The following CUBN variants were observed in gnomAD, a reference collection of about 807,000 sequenced individuals.
CUBN encodes the protein cubilin.
CUBN carries 282 observed loss-of-function variants against 405.3 expected under a neutral mutation model. The ratio of observed to expected loss-of-function variants is 0.70; its 90% CI spans 0.63 to 0.77. The LOEUF (loss-of-function observed/expected upper bound fraction) is 0.77. Ranked by LOEUF, CUBN falls within the 30% of genes least tolerant of loss-of-function variation. CUBN has a pLI of 0.00. For synonymous variants in CUBN, 1,684 were observed against 1,617.0 expected (o/e 1.04, Z -0.99); for missense variants, 4,514 against 4,475.2 (o/e 1.01, Z -0.25).
At chr10:17,126,609 A>T in intron 4 of CUBN, 152 bp downstream of exon 4, 1 of 816,802 alleles carries the variant, frequency 1.2e-6, no homozygotes, top group Non-Finnish European at 2.0e-6. Flanking sequence ...GCATCCTGGG[A>T]AGCACATGCT....
Position 16,940,071 on chromosome 10 carries a change from A to T in CUBN, c.5509T>A (p.Ser1837Thr). 1 of 1,614,112 alleles carries T rather than the reference A, an allele frequency of 6.2e-7. No individual in the cohort carries two copies. The highest frequency in any genetic ancestry group is 1.1e-5 in the South Asian group (1 of 91,078). ...TLWVRFISDG[S>T]GSGTGFQATF... ...GCCTGGAAGCCCGTGCCGCTGCCAG[A>T]ACCATCTGAGATAAATCTGACCCAC... The change falls in exon 37 of 67, where the codon TCT becomes ACT. Residue 1837 changes from serine to threonine, a missense_variant. Physicochemically the swap from Ser to Thr is moderately conservative, Grantham distance 58. Transcript: ENST00000377833.
At chr10:16,966,161 G>A (rs75763602) in intron 31 of CUBN, among the ~76,000 whole-genome samples, 1 of 152,276 alleles carries the variant, frequency 6.6e-6, no homozygotes, top group Non-Finnish European at 1.5e-5. Context: ...AGTAGCATTT[G>A]AGAAAGTCTT....
At chr10:17,098,258 C>T (rs1836419338) in intron 14 of CUBN, among the ~76,000 whole-genome samples, 1 of 152,118 alleles carries the variant, frequency 6.6e-6, no homozygotes, top group Admixed American at 6.6e-5. Context: ...CAGCTGACAC[C>T]CGCTTATAAC....
chr10:17,007,581 G>T (rs1450080892), intron 28 of CUBN, among the ~76,000 whole-genome samples: 1 of 152,114 alleles, frequency 6.6e-6, no homozygotes, highest in Non-Finnish European at 1.5e-5. Flanking sequence ...CTCTCTGCTT[G>T]GTGTTTGGAG....
intron 60 of CUBN, among the ~76,000 whole-genome samples, chr10:16,848,303 T>C (rs545699134): frequency 6.6e-6 from 1 of 152,304 alleles, no homozygotes; most frequent in East Asian, 1.9e-4. Context: ...AAAATTGTAA[T>C]TTTATATGCA....
At chr10:17,028,734 A>T (rs1410585247) in intron 27 of CUBN, among the ~76,000 whole-genome samples, 1 of 151,724 alleles carries the variant, frequency 6.6e-6, no homozygotes, top group Non-Finnish European at 1.5e-5. Flanking sequence ...AAAAAAAAGA[A>T]AGAAAGAAAG....
intron 59 of CUBN, among the ~76,000 whole-genome samples, chr10:16,855,656 A>C (rs965478108): frequency 6.6e-6 from 1 of 152,194 alleles, no homozygotes. Flanking sequence ...ATGGTTTGTT[A>C]AGTAGCACTG....
At chr10:17,010,563 T>A (rs1355344961) in intron 28 of CUBN, among the ~76,000 whole-genome samples, 1 of 152,008 alleles carries the variant, frequency 6.6e-6, no homozygotes, top group African/African-American at 2.4e-5. Context: ...CACTTAAGCC[T>A]CAGAGCTCAA....
rs930654185 is a variant in CUBN, at chr10:17,129,793, G to A, written c.-28C>T. 10 of 1,613,036 alleles carry A rather than the reference G, an allele frequency of 6.2e-6. No homozygotes were observed. The African/African-American group carries it at 1.2e-4, about 19-fold the overall frequency. ...ACCTCCCAGGTTGGCAGGTAAGAGTGAGGCCACTCCAACCAACTGAGCATG... is the reference window on the plus strand; with the variant it reads ...ACCTCCCAGGTTGGCAGGTAAGAGTAAGGCCACTCCAACCAACTGAGCATG... On this transcript the variant is annotated 5_prime_UTR_variant, in exon 1 of 67. Coordinates refer to ENST00000377833, the MANE Select transcript of CUBN (RefSeq NM_001081.4).
At chr10:16,932,978 G>C in intron 40 of CUBN, 109 bp downstream of exon 40, 9 of 1,109,418 alleles carry the variant, frequency 8.1e-6, no homozygotes, top group Non-Finnish European at 1.1e-5. Flanking sequence ...CATAATATCT[G>C]TGTAATTCCA....
chr10:17,092,093 G>A (rs958148732), intron 14 of CUBN, among the ~76,000 whole-genome samples: 1 of 152,080 alleles, frequency 6.6e-6, no homozygotes, highest in Non-Finnish European at 1.5e-5. Flanking sequence ...GGGACGATAC[G>A]GAGAAAACCC....
intron 27 of CUBN, among the ~76,000 whole-genome samples, chr10:17,039,531 G>A (rs1168958520): frequency 6.6e-6 from 1 of 151,888 alleles, no homozygotes; most frequent in Non-Finnish European, 1.5e-5. Context: ...CTGTGTTCAC[G>A]GTATAAACAA....
At position 17,071,524 on chromosome 10, in the gene CUBN, T is replaced by A. The variant is rs762772419; in HGVS notation, c.2527A>T (p.Arg843Trp). The change falls in exon 19 of 67, where the codon AGG becomes TGG. Residue 843 changes from arginine (R) to tryptophan (W), a missense_variant. By Grantham distance (101) the Arg-to-Trp change is moderately radical. This residue lies in a region of CUBN where 1,448 missense variants were observed against 1,388.0 expected (regional missense o/e 1.04). Coordinates refer to ENST00000377833, the MANE Select transcript of CUBN (RefSeq NM_001081.4). ...PNVYPGERTC[R>W]WTIHQPQSQV... The stretch of plus-strand genomic sequence containing the variant: ...CTTTGGGGCTGGTGGATGGTCCACC[T>A]ACAGGTTCTTTCTCCAGGATACACG... 32 of 1,613,816 alleles carry A rather than the reference T, an allele frequency of 2.0e-5. No individual in the cohort carries two copies. Among genetic ancestry groups the A allele is most frequent in the Non-Finnish European group, 2.5e-5 (30 of 1,179,880 alleles).
Position 17,100,106 on chromosome 10 carries a change from T to G in CUBN, c.1664A>C (p.His555Pro). ...LGRFCGSSLP[H>P]ELLSSDNALY... ...AGCATTGTCACTGCTGAGGAGTTCATGAGGGAGGCTGGAGCCACAAAATCT... is the reference window on the plus strand; with the variant it reads ...AGCATTGTCACTGCTGAGGAGTTCAGGAGGGAGGCTGGAGCCACAAAATCT... Residue 555 changes from histidine (H) to proline (P), a missense_variant, in exon 14 of 67, where the codon CAT (histidine) becomes CCT (proline). Transcript: ENST00000377833. 6.2e-7 allele frequency: 1 copy of G among 1,613,930 alleles called. No homozygotes were observed. Among genetic ancestry groups the G allele is most frequent in the East Asian group, 2.2e-5 (1 of 44,862 alleles).
At chr10:16,934,631 G>T (rs1842450130) in intron 39 of CUBN, among the ~76,000 whole-genome samples, 1 of 152,132 alleles carries the variant, frequency 6.6e-6, no homozygotes, top group Admixed American at 6.5e-5. Flanking sequence ...TATTTCCTTT[G>T]TCTCCACTTC....
intron 28 of CUBN, among the ~76,000 whole-genome samples, chr10:17,010,321 G>A (rs1429052831): frequency 2.6e-5 from 4 of 152,092 alleles, no homozygotes; most frequent in Middle Eastern, 3.2e-3. Context: ...TGCATTTAAC[G>A]GATCCATGAG....
At chr10:17,089,461 A>G (rs1836203470) in intron 14 of CUBN, among the ~76,000 whole-genome samples, 1 of 152,228 alleles carries the variant, frequency 6.6e-6, no homozygotes, top group South Asian at 2.1e-4. Context: ...GAGTGCACTG[A>G]AAAAAGTTCA....
At chr10:17,008,995 C>T (rs561240364) in intron 28 of CUBN, among the ~76,000 whole-genome samples, 50 of 152,282 alleles carry the variant, frequency 3.3e-4, no homozygotes, top group Non-Finnish European at 3.5e-4. Context: ...CGGGACCTCT[C>T]CCATGGAAGA....
chr10:16,975,448 C>A (rs1833062949), intron 31 of CUBN, among the ~76,000 whole-genome samples: 1 of 152,172 alleles, frequency 6.6e-6, no homozygotes, highest in African/African-American at 2.4e-5. Context: ...TGCTGTTGAC[C>A]TAGGCTTTGG....
Sources: gnomAD v4.1 joint callset for allele counts (sites outside exome capture counted in the v4.1 genomes callset) on GRCh38, gnomAD v4.1.1 for gene constraint, gnomAD v4.1.1 regional missense constraint, MANE v1.5 for transcripts, NCBI Gene and HGNC (gene_info 2026-07-23, HGNC 2026-07-21) for gene names.